The following CA10 variants were observed in gnomAD, a reference collection of about 807,000 sequenced individuals.
CA10 encodes carbonic anhydrase 10 (inactive).
CA10 carries 14 observed loss-of-function variants against 44.2 expected under a neutral mutation model. That is an observed-to-expected ratio of 0.32 (90% confidence interval 0.21 to 0.50). The LOEUF is 0.50. Ranked by LOEUF, CA10 falls within the 20% of genes least tolerant of loss-of-function variation. The pLI is 0.99. For missense variants in CA10, 350 were observed against 409.7 expected (o/e 0.85, Z 1.26); for synonymous variants, 159 against 141.6 (o/e 1.12, Z -0.87).
intron 1 of CA10, among the ~76,000 whole-genome samples, chr17:52,155,111 T>C (rs1989777975): frequency 6.6e-6 from 1 of 152,222 alleles, no homozygotes; most frequent in Non-Finnish European, 1.5e-5. Flanking sequence ...GTGTTTAGAC[T>C]ACAGACTTTT....
intron 1 of CA10, among the ~76,000 whole-genome samples, chr17:52,080,284 C>T (rs1254530748): frequency 6.6e-6 from 1 of 151,956 alleles, no homozygotes; most frequent in African/African-American, 2.4e-5. Flanking sequence ...AACCCCGTCT[C>T]TACCAAAAAT....
intron 4 of CA10, among the ~76,000 whole-genome samples, chr17:51,703,156 C>T (rs1915654505): frequency 6.6e-6 from 1 of 152,220 alleles, no homozygotes; most frequent in Non-Finnish European, 1.5e-5. Flanking sequence ...TAGTTTCATG[C>T]TCGGAGGGCA....
At chr17:51,757,247 C>A (rs571566594) in intron 3 of CA10, among the ~76,000 whole-genome samples, 1 of 152,128 alleles carries the variant, frequency 6.6e-6, no homozygotes, top group Admixed American at 6.5e-5. Flanking sequence ...GTGCTGCCTG[C>A]TCACATGGGC....
chr17:51,846,620 A>G (rs1978504573), intron 3 of CA10, among the ~76,000 whole-genome samples: 1 of 152,236 alleles, frequency 6.6e-6, no homozygotes, highest in African/African-American at 2.4e-5. Context: ...GCCCCTCCAT[A>G]TTAATCTCTC....
At chr17:51,785,948 C>G (rs1448218675) in intron 3 of CA10, among the ~76,000 whole-genome samples, 1 of 152,142 alleles carries the variant, frequency 6.6e-6, no homozygotes, top group East Asian at 1.9e-4. Flanking sequence ...CATGGAATAT[C>G]TTTCCACTTT....
At chr17:51,666,547 C>A (rs1432649268) in intron 4 of CA10, among the ~76,000 whole-genome samples, 2 of 152,102 alleles carry the variant, frequency 1.3e-5, no homozygotes, top group Non-Finnish European at 2.9e-5. Context: ...TTCCAGAAAT[C>A]ACATTACCAA....
chr17:51,935,073 C>A (rs879629525), intron 2 of CA10, among the ~76,000 whole-genome samples: 4 of 152,038 alleles, frequency 2.6e-5, no homozygotes, highest in Admixed American at 1.3e-4. Context: ...TGGGTTTGTG[C>A]AGAACTGTCA....
chr17:52,108,163 T>C (rs1988700461), intron 1 of CA10, among the ~76,000 whole-genome samples: 4 of 145,752 alleles, frequency 2.7e-5, no homozygotes, highest in Admixed American at 2.1e-4. Flanking sequence ...TGTATATATA[T>C]ATTTTTAATA....
At chr17:51,813,366 G>A (rs751930665) in intron 3 of CA10, among the ~76,000 whole-genome samples, 3 of 152,204 alleles carry the variant, frequency 2.0e-5, no homozygotes, top group South Asian at 2.1e-4. Context: ...GCATAAATCC[G>A]TTGGCTTCCA....
intron 1 of CA10, among the ~76,000 whole-genome samples, chr17:52,090,850 T>C (rs552255757): frequency 6.6e-6 from 1 of 152,256 alleles, no homozygotes; most frequent in African/African-American, 2.4e-5. Flanking sequence ...ATGTAGATTA[T>C]CTGATGATCT....
chr17:51,874,891 T>A (rs988110669), intron 3 of CA10, among the ~76,000 whole-genome samples: 1 of 152,184 alleles, frequency 6.6e-6, no homozygotes, highest in Non-Finnish European at 1.5e-5. Context: ...ACGCTTACCC[T>A]TGGGCATCCT....
chr17:51,699,816 T>A (rs951599941), intron 4 of CA10, among the ~76,000 whole-genome samples: 2 of 152,186 alleles, frequency 1.3e-5, no homozygotes, highest in African/African-American at 2.4e-5. Flanking sequence ...ATCAATCTCT[T>A]TATGAGACAT....
intron 3 of CA10, among the ~76,000 whole-genome samples, chr17:51,855,601 A>G (rs1446816543): frequency 1.3e-5 from 2 of 152,256 alleles, no homozygotes; most frequent in Admixed American, 6.5e-5. Context: ...TGAACCATAA[A>G]GAAAATGAAA....
chr17:51,774,758 T>C (rs1020085449), intron 3 of CA10, among the ~76,000 whole-genome samples: 3 of 152,188 alleles, frequency 2.0e-5, no homozygotes, highest in African/African-American at 7.2e-5. Flanking sequence ...CAAGGTCATC[T>C]TCTAGGCTTC....
Position 51,699,191 on chromosome 17 carries a change from C to T in CA10, c.466-45455G>A, listed in dbSNP as rs144060539. Among the ~76,000 whole-genome samples the T allele has an allele frequency of 7.8e-3, 1,184 of 152,024 alleles. 17 individuals are homozygous for T. Among genetic ancestry groups the T allele is most frequent in the African/African-American group, 0.027 (1,101 of 41,488 alleles). ...CAAAAAAATTACCCAGGTATGGTGG[C>T]GGGCACTTGTAATCCCAGCTACTTG... On this transcript the variant is annotated intron_variant, in intron 4 of 8. Coordinates refer to ENST00000451037, the MANE Select transcript of CA10 (RefSeq NM_020178.5).
chr17:51,885,006 CT>C (rs1325280125), intron 3 of CA10, among the ~76,000 whole-genome samples: 11 of 152,178 alleles, frequency 7.2e-5, no homozygotes, highest in Non-Finnish European at 1.6e-4. Flanking sequence ...ATGACCTCAT[CT>C]TAGTTCGACT....
chr17:51,923,006 C>T (rs895835444), intron 3 of CA10, among the ~76,000 whole-genome samples: 1 of 152,250 alleles, frequency 6.6e-6, no homozygotes, highest in African/African-American at 2.4e-5. Flanking sequence ...CCACAAAATA[C>T]AGATGAGTAA....
At chr17:52,156,348 C>G (rs1224682511) in intron 1 of CA10, among the ~76,000 whole-genome samples, 2 of 152,214 alleles carry the variant, frequency 1.3e-5, no homozygotes, top group Non-Finnish European at 2.9e-5. Flanking sequence ...AGAAGTCCCA[C>G]TAGAGGAGTT....
intron 4 of CA10, among the ~76,000 whole-genome samples, chr17:51,731,516 T>C (rs1916718094): frequency 6.6e-6 from 1 of 152,120 alleles, no homozygotes; most frequent in South Asian, 2.1e-4. Context: ...GTTAGAAAAC[T>C]TCCTTTGGTG....
Sources: allele counts gnomAD v4.1 joint callset (sites outside exome capture counted in the v4.1 genomes callset), GRCh38; gene constraint gnomAD v4.1.1; transcripts MANE v1.5; gene names NCBI Gene and HGNC (gene_info 2026-07-23, HGNC 2026-07-21).